Variants in OTOGL observed in about 807,000 individuals in gnomAD.
OTOGL encodes the protein otogelin-like protein.
A neutral mutation model predicts 318.5 loss-of-function variants in OTOGL; 285 were observed. The ratio of observed to expected loss-of-function variants is 0.89; its 90% CI spans 0.81 to 0.99. The LOEUF (loss-of-function observed/expected upper bound fraction) is 0.99. Ranked by LOEUF, OTOGL falls within the 50% of genes least tolerant of loss-of-function variation. The pLI is 0.00. For missense variants in OTOGL, 2,899 were observed against 2,845.6 expected, an observed-to-expected ratio of 1.02 and a Z score of -0.43; for synonymous variants, 987 against 936.5, an observed-to-expected ratio of 1.05 and a Z score of -0.99.
chr12:80,335,907 C>A, intron 38 of OTOGL, 56 bp from the exon 39 acceptor site: 3 of 1,399,736 alleles, frequency 2.1e-6, no homozygotes, highest in South Asian at 3.2e-5. Flanking sequence ...ATTTAAAAAT[C>A]AATTAAAAAC....
intron 10 of OTOGL, 122 bp from the exon 11 acceptor site, chr12:80,239,211 A>G (rs1051287020): frequency 6.3e-6 from 6 of 957,128 alleles, no homozygotes; most frequent in African/African-American, 5.0e-5. Flanking sequence ...GTTAAAATGT[A>G]TAAGTTACCA....
chr12:80,309,892 T>A (rs1592691437), intron 29 of OTOGL, among the ~76,000 whole-genome samples: 1 of 152,188 alleles, frequency 6.6e-6, no homozygotes, highest in East Asian at 1.9e-4. Context: ...ACTAGTATAT[T>A]CAGGGCGTTG....
At chr12:80,201,031 C>T (rs1191263305) in intron 1 of OTOGL, among the ~76,000 whole-genome samples, 1 of 152,114 alleles carries the variant, frequency 6.6e-6, no homozygotes, top group Non-Finnish European at 1.5e-5. Flanking sequence ...GGTATTGGTG[C>T]CCCTTTGCCT....
chr12:80,218,795 C>CTTTTTTTT (rs34204072), intron 5 of OTOGL, among the ~76,000 whole-genome samples: 2 of 118,240 alleles, frequency 1.7e-5, no homozygotes, highest in Non-Finnish European at 3.5e-5. Flanking sequence ...CTTTTTCTTT[C>CTTTTTTTT]TTTTTTTTTT....
Position 80,189,773 on chromosome 12 carries a change from G to T in OTOGL, c.-19-19640G>T, listed in dbSNP as rs527840636. On this transcript the variant is annotated intron_variant, in intron 1 of 58. Coordinates refer to ENST00000547103, the MANE Select transcript of OTOGL (RefSeq NM_001378609.3). Reference sequence around the variant, plus strand: ...AGCATATCATTCACAAGGACAGCAGGTCTACAGATTCTCATCTTTCTCCTA... The same window carrying T: ...AGCATATCATTCACAAGGACAGCAGTTCTACAGATTCTCATCTTTCTCCTA... Among the ~76,000 whole-genome samples, 7 of 152,300 alleles carry T rather than the reference G, an allele frequency of 4.6e-5. 1 individual carries two copies. Among genetic ancestry groups the T allele is most frequent in the African/African-American group, 1.4e-4 (6 of 41,558 alleles).
At chr12:80,111,523 GTTT>G (rs1016262637) in intron 1 of OTOGL, among the ~76,000 whole-genome samples, 52 of 152,256 alleles carry the variant, frequency 3.4e-4, no homozygotes, top group African/African-American at 1.2e-3. Context: ...CCCATTGCTT[GTTT>G]TTGTCAGGTT....
intron 38 of OTOGL, among the ~76,000 whole-genome samples, chr12:80,333,977 G>A (rs925377088): frequency 2.0e-5 from 3 of 152,190 alleles, no homozygotes; most frequent in African/African-American, 7.2e-5. Flanking sequence ...ACCTTGTGTT[G>A]TAAAGACTGT....
At chr12:80,184,587 G>A (rs565226436) in intron 1 of OTOGL, among the ~76,000 whole-genome samples, 18 of 152,220 alleles carry the variant, frequency 1.2e-4, no homozygotes, top group South Asian at 4.2e-4. Context: ...GAAGATAATG[G>A]CCCTATTTAG....
chr12:80,251,892 A>G, intron 12 of OTOGL, 93 bp downstream of exon 12: 1 of 1,219,546 alleles, frequency 8.2e-7, no homozygotes, highest in Non-Finnish European at 1.1e-6. Flanking sequence ...AATACTAATG[A>G]ATTGCAAGGA....
chr12:80,183,673 C>G (rs544158710), intron 1 of OTOGL, among the ~76,000 whole-genome samples: 4 of 152,252 alleles, frequency 2.6e-5, no homozygotes, highest in African/African-American at 9.6e-5. Context: ...GTGTAAGATT[C>G]CATGAGCTTT....
chr12:80,210,110 A>G (rs561127138), intron 2 of OTOGL, among the ~76,000 whole-genome samples: 47 of 152,234 alleles, frequency 3.1e-4, no homozygotes, highest in Non-Finnish European at 5.9e-4. Context: ...ATAAACACAC[A>G]CAAAATTAAA....
At chr12:80,338,063 T>C (rs1391248547) in intron 42 of OTOGL, among the ~76,000 whole-genome samples, 1 of 152,022 alleles carries the variant, frequency 6.6e-6, no homozygotes, top group East Asian at 1.9e-4. Flanking sequence ...TAATAACAAG[T>C]TATTTTGTAA....
chr12:80,273,436 G>A (rs1325717318), intron 24 of OTOGL, among the ~76,000 whole-genome samples: 1 of 152,012 alleles, frequency 6.6e-6, no homozygotes, highest in Non-Finnish European at 1.5e-5. Context: ...ATGGAGAATA[G>A]TATAGAGGAA....
intron 22 of OTOGL, among the ~76,000 whole-genome samples, chr12:80,269,785 A>G (rs904592340): frequency 6.6e-6 from 1 of 152,122 alleles, no homozygotes; most frequent in Non-Finnish European, 1.5e-5. Flanking sequence ...CATGTGTCAC[A>G]CTGCATACAT....
chr12:80,197,390 C>G (rs1429924153), intron 1 of OTOGL, among the ~76,000 whole-genome samples: 1 of 152,104 alleles, frequency 6.6e-6, no homozygotes, highest in African/African-American at 2.4e-5. Context: ...CCATGCCCGG[C>G]TAATTTTTGC....
intron 26 of OTOGL, among the ~76,000 whole-genome samples, chr12:80,287,465 T>A (rs981326655): frequency 2.6e-5 from 4 of 151,836 alleles, no homozygotes; most frequent in African/African-American, 9.7e-5. Flanking sequence ...TAATTTTCTG[T>A]CTTGTTGATA....
At chr12:80,102,943 C>T in intron 1 of OTOGL, 2 of 845,288 alleles carry the variant, frequency 2.4e-6, no homozygotes, top group South Asian at 1.3e-5. Flanking sequence ...TTGCCCTTTT[C>T]CTTTCCTACT....
At chr12:80,271,163 C>A (rs1484600328) in intron 23 of OTOGL, among the ~76,000 whole-genome samples, 3 of 152,108 alleles carry the variant, frequency 2.0e-5, no homozygotes, top group Non-Finnish European at 4.4e-5. Context: ...AGGTGGCTAG[C>A]CTTCTCACAG....
intron 9 of OTOGL, among the ~76,000 whole-genome samples, chr12:80,236,891 T>A (rs1238896920): frequency 6.6e-6 from 1 of 151,138 alleles, no homozygotes; most frequent in Non-Finnish European, 1.5e-5. Context: ...CTTGGCTCAC[T>A]GTAACCTCCT....
Sources: gnomAD v4.1 joint callset for allele counts (sites outside exome capture counted in the v4.1 genomes callset) on GRCh38, gnomAD v4.1.1 for gene constraint, MANE v1.5 for transcripts, NCBI Gene and HGNC (gene_info 2026-07-23, HGNC 2026-07-21) for gene names.